SEMA3F: variants seen among roughly 807,000 people sequenced by gnomAD.
The protein encoded by SEMA3F is semaphorin-3F.
SEMA3F carries 30 observed loss-of-function variants against 98.5 expected under a neutral mutation model. The observed-to-expected ratio is 0.30, with a 90% CI of 0.23 to 0.41. The LOEUF (loss-of-function observed/expected upper bound fraction) is 0.41, where lower values mean the gene tolerates loss of function less well. Ranked by LOEUF, SEMA3F falls within the 10% of genes least tolerant of loss-of-function variation. The pLI is 1.00. For synonymous variants in SEMA3F, 380 were observed against 444.8 expected (o/e 0.85, Z 1.83); for missense variants, 866 against 1,119.3 (o/e 0.77, Z 3.23).
rs777403552 is a variant in SEMA3F, at chr3:50,176,726, G to A, written c.550-42G>A. The A allele has an allele frequency of 2.4e-5, 35 of 1,439,478 alleles. No individual in the cohort carries two copies. The Admixed American group carries it at 5.9e-4, about 24-fold the overall frequency. The allele number at this position is 1,439,478 out of a possible 1,614,324, so 89.2% of individuals were successfully genotyped here. On this transcript the variant is annotated intron_variant, in intron 6 of 18. Coordinates refer to ENST00000002829, the MANE Select transcript of SEMA3F (RefSeq NM_004186.5). ...GGTGACCCTTACACTTCCTGGCTGGGGGACTGGCCTGGACGATGCTGAGCC... is the reference window on the plus strand; with the variant it reads ...GGTGACCCTTACACTTCCTGGCTGGAGGACTGGCCTGGACGATGCTGAGCC...
intron 7 of SEMA3F, among the ~76,000 whole-genome samples, chr3:50,178,620 G>T (rs1698902868): frequency 6.6e-6 from 1 of 150,966 alleles, no homozygotes; most frequent in Middle Eastern, 3.4e-3. Flanking sequence ...TACTTGGGAG[G>T]CTAAGGCAGA....
At chr3:50,164,541 A>T (rs1698333211) in intron 2 of SEMA3F, among the ~76,000 whole-genome samples, 2 of 152,018 alleles carry the variant, frequency 1.3e-5, no homozygotes, top group African/African-American at 2.4e-5. Flanking sequence ...CTGGTCCTTG[A>T]CTCCTGGGAG....
In SEMA3F at chr3:50,188,198, TA is replaced by T; in HGVS notation, c.*87del. ...AGATATATATATATATATATATATA[TA>T]AAATATCTATATTCTATACACACCC... On this transcript the variant is annotated 3_prime_UTR_variant, in exon 19 of 19. Coordinates refer to ENST00000002829, the MANE Select transcript of SEMA3F (RefSeq NM_004186.5). This position sits in a 1 kb window ranked among gnomAD's most constrained non-coding sequence, Gnocchi z 4.5. 1 of 454,332 alleles carries T rather than the reference TA, an allele frequency of 2.2e-6. No homozygotes were observed. The highest frequency in any genetic ancestry group is 7.2e-4 in the Middle Eastern group (1 of 1,382). The allele number at this position is 454,332 out of a possible 1,614,324, so 28.1% of individuals were successfully genotyped here.
intron 12 of SEMA3F, among the ~76,000 whole-genome samples, chr3:50,184,073 C>G (rs969196418): frequency 3.9e-5 from 6 of 152,116 alleles, no homozygotes; most frequent in African/African-American, 1.4e-4. Context: ...AGAAGCTGGT[C>G]TCAGTGGGGG....
In SEMA3F at chr3:50,174,081, C is replaced by T. The variant is rs150847709; in HGVS notation, c.303C>T (p.Ile101=). ...ACTGGGCAGCCTCCCCACAGCGCAT[C>T]GAGGAATGCGTGCTCTCAGGCAAGG... The part of the protein sequence containing the change: ...IIHWAASPQR[I]EECVLSGKDV... Residue 101 remains isoleucine, a synonymous_variant, in exon 4 of 19, where the codon ATC becomes ATT. Transcript: ENST00000002829. 55 of 1,614,136 alleles carry T rather than the reference C, an allele frequency of 3.4e-5. No homozygotes were observed. The East Asian group carries it at 6.9e-4, about 20-fold the overall frequency.
intron 6 of SEMA3F, among the ~76,000 whole-genome samples, chr3:50,175,502 G>A (rs1698778040): frequency 6.6e-6 from 1 of 152,230 alleles, no homozygotes; most frequent in Non-Finnish European, 1.5e-5. Context: ...ACACCGGTGT[G>A]GATGTGGGCC....
chr3:50,161,646 C>T (rs561558746), intron 2 of SEMA3F, among the ~76,000 whole-genome samples: 1 of 152,338 alleles, frequency 6.6e-6, no homozygotes, highest in South Asian at 2.1e-4. Context: ...GACCTGGTCT[C>T]GTGTCCTAAT....
rs1248779930 is a variant in SEMA3F at position 50,182,835 on chromosome 3, T to A, written c.903+52T>A. On this transcript the variant is annotated intron_variant, in intron 9 of 18. Coordinates refer to ENST00000002829, the MANE Select transcript of SEMA3F (RefSeq NM_004186.5). The surrounding 1 kb of genome is among the most constrained non-coding windows in gnomAD (Gnocchi z 4.5). Reference sequence around the variant, plus strand: ...GCCCCTTCCACCAGTTCTGGCTTCATCAGCCCTGCTCCAGCCAGGGCTTGG... The same window carrying A: ...GCCCCTTCCACCAGTTCTGGCTTCAACAGCCCTGCTCCAGCCAGGGCTTGG... 9 of 1,610,510 alleles carry A rather than the reference T, an allele frequency of 5.6e-6. No homozygotes were observed. The Admixed American group carries it at 8.3e-5, about 15-fold the overall frequency.
rs959564331 is a variant in SEMA3F at position 50,166,652 on chromosome 3, TG to T, written c.112+6921del. Among the ~76,000 whole-genome samples the T allele has an allele frequency of 5.3e-5, 8 of 151,254 alleles. No homozygotes were observed. The highest frequency in any genetic ancestry group is 1.2e-4 in the Non-Finnish European group (8 of 67,826). ...CTGTCTGGAACATCCCGGGAATCTCTGGGTGGGTGTTGTGAAGGGGCTGCAG... is the reference window on the plus strand; with the variant it reads ...CTGTCTGGAACATCCCGGGAATCTCTGGTGGGTGTTGTGAAGGGGCTGCAG... On this transcript the variant is annotated intron_variant, in intron 2 of 18. Transcript: ENST00000002829. This position sits in a 1 kb window ranked among gnomAD's most constrained non-coding sequence, Gnocchi z 4.7.
chr3:50,185,566 C>T (rs1325908899), intron 14 of SEMA3F, 35 bp downstream of exon 14: 8 of 1,612,342 alleles, frequency 5.0e-6, no homozygotes, highest in Non-Finnish European at 6.8e-6. Flanking sequence ...GACCTCCCCA[C>T]CTTTACCCTC....
chr3:50,178,172 G>T (rs1244633424), intron 7 of SEMA3F, among the ~76,000 whole-genome samples: 2 of 152,046 alleles, frequency 1.3e-5, no homozygotes, highest in Non-Finnish European at 2.9e-5. Context: ...AACCTGGGAG[G>T]TGGAGGTTGC....
At chr3:50,160,836 G>A (rs949567010) in intron 2 of SEMA3F, among the ~76,000 whole-genome samples, 57 of 152,206 alleles carry the variant, frequency 3.7e-4, no homozygotes, top group African/African-American at 1.3e-3. Context: ...CCCTTGATGG[G>A]AGGAGTAGGG....
intron 11 of SEMA3F, 56 bp from the exon 12 acceptor site, chr3:50,183,364 G>T: frequency 6.2e-7 from 1 of 1,607,418 alleles, no homozygotes; most frequent in East Asian, 2.2e-5. Flanking sequence ...GGCAGTTTGG[G>T]GAGGGGCCCT....
intron 2 of SEMA3F, among the ~76,000 whole-genome samples, chr3:50,162,177 T>G (rs2109060493): frequency 6.6e-6 from 1 of 152,320 alleles, no homozygotes; most frequent in South Asian, 2.1e-4. Context: ...TGGGTAGGGC[T>G]GGACCCTCCA....
At chr3:50,163,738 G>A (rs1294156327) in intron 2 of SEMA3F, among the ~76,000 whole-genome samples, 1 of 152,198 alleles carries the variant, frequency 6.6e-6, no homozygotes, top group Non-Finnish European at 1.5e-5. Flanking sequence ...GGAGGGGGAG[G>A]AGGCCCAGGA....
At position 50,182,266 on chromosome 3, in the gene SEMA3F, C is replaced by A; in HGVS notation, c.644-18C>A. 1 of 1,614,012 alleles carries A rather than the reference C, an allele frequency of 6.2e-7. No individual in the cohort carries two copies. Among genetic ancestry groups the A allele is most frequent in the Non-Finnish European group, 8.5e-7 (1 of 1,180,018 alleles). ...AGCAAACAGCAGCCCCCCAACTGAC[C>A]CACTGGCCTACCCACAGATGAGGAG... On this transcript the variant is annotated intron_variant, in intron 7 of 18. Coordinates refer to ENST00000002829, the MANE Select transcript of SEMA3F (RefSeq NM_004186.5). This position sits in a 1 kb window ranked among gnomAD's most constrained non-coding sequence, Gnocchi z 4.5.
Position 50,182,856 on chromosome 3 carries a change from C to T in SEMA3F, c.904-48C>T. ...TTCATCAGCCCTGCTCCAGCCAGGG[C>T]TTGGGGTCAAGAGCTGATCTGACCC... On this transcript the variant is annotated intron_variant, in intron 9 of 18. Coordinates refer to ENST00000002829, the MANE Select transcript of SEMA3F (RefSeq NM_004186.5). This position sits in a 1 kb window ranked among gnomAD's most constrained non-coding sequence, Gnocchi z 4.5. The T allele has an allele frequency of 6.2e-7, 1 of 1,610,814 alleles. No homozygotes were observed. The highest frequency in any genetic ancestry group is 8.5e-7 in the Non-Finnish European group (1 of 1,177,958).
intron 1 of SEMA3F, among the ~76,000 whole-genome samples, chr3:50,157,327 C>G (rs1394530910): frequency 1.3e-5 from 2 of 152,004 alleles, no homozygotes; most frequent in African/African-American, 2.4e-5. Flanking sequence ...GTCTCTCCTC[C>G]GTCCCTCCCT....
intron 2 of SEMA3F, among the ~76,000 whole-genome samples, chr3:50,172,070 G>C (rs891911374): frequency 6.6e-6 from 1 of 152,150 alleles, no homozygotes; most frequent in Non-Finnish European, 1.5e-5. Context: ...CTAGGGCCTC[G>C]GATCCCAGCT....
Sources: allele counts gnomAD v4.1 joint callset (sites outside exome capture counted in the v4.1 genomes callset), GRCh38; gene constraint gnomAD v4.1.1; non-coding constraint Gnocchi (gnomAD v3.1); transcripts MANE v1.5; gene names NCBI Gene and HGNC (gene_info 2026-07-23, HGNC 2026-07-21).